GLI3: variants seen among roughly 807,000 people sequenced by gnomAD.
The protein encoded by GLI3 is GLI family zinc finger 3.
In GLI3, 20 loss-of-function variants were observed where a neutral mutation model predicts 100.8. The ratio of observed to expected loss-of-function variants is 0.20; its 90% CI spans 0.14 to 0.29. The LOEUF (loss-of-function observed/expected upper bound fraction) is 0.29. Ranked by LOEUF, GLI3 falls within the 10% of genes least tolerant of loss-of-function variation. The pLI is 1.00. For missense variants in GLI3, 2,040 were observed against 2,128.5 expected (o/e 0.96, Z 0.82); for synonymous variants, 938 against 860.5 (o/e 1.09, Z -1.58).
Position 42,202,319 on chromosome 7 carries a change from G to GTCTC in GLI3, c.124+20807_124+20810dup, listed in dbSNP as rs35402770. Among the ~76,000 whole-genome samples, 219 of 124,676 alleles carry GTCTC rather than the reference G, an allele frequency of 1.8e-3. 1 individual carries two copies. The highest frequency in any genetic ancestry group is 4.6e-3 in the African/African-American group (150 of 32,704). 81.8% of individuals were successfully genotyped at this position (124,676 alleles called of 152,430 possible). ...ACCTCACCTGAAATTCATAGAATCT[G>GTCTC]TCTCTCTCTCTCTCTCTCTCTCTCT... is the stretch of plus-strand genomic sequence containing the variant. On this transcript the variant is annotated intron_variant, in intron 2 of 14. Coordinates refer to ENST00000395925, the MANE Select transcript of GLI3 (RefSeq NM_000168.6).
chr7:42,004,592 G>C (rs1788396329), intron 10 of GLI3, among the ~76,000 whole-genome samples: 1 of 151,964 alleles, frequency 6.6e-6, no homozygotes, highest in South Asian at 2.1e-4. Context: ...AGAAAGCTCA[G>C]AAAATGAAAA....
intron 1 of GLI3, among the ~76,000 whole-genome samples, chr7:42,232,871 T>C (rs1250687202): frequency 6.6e-6 from 1 of 152,076 alleles, no homozygotes; most frequent in East Asian, 1.9e-4. Flanking sequence ...CGGGTTGAAA[T>C]ATATACACAC....
chr7:42,206,073 G>A (rs1252223592), intron 2 of GLI3, among the ~76,000 whole-genome samples: 1 of 152,064 alleles, frequency 6.6e-6, no homozygotes, highest in Non-Finnish European at 1.5e-5. Context: ...TTCGAGACCA[G>A]CCTGACCAAT....
At chr7:41,977,340 T>C (rs1350148920) in intron 12 of GLI3, among the ~76,000 whole-genome samples, 1 of 152,204 alleles carries the variant, frequency 6.6e-6, no homozygotes. Flanking sequence ...GCAGGGGTTT[T>C]AAGAAGTTTC....
intron 13 of GLI3, among the ~76,000 whole-genome samples, chr7:41,971,406 G>A (rs1787361595): frequency 6.6e-6 from 1 of 152,202 alleles, no homozygotes; most frequent in African/African-American, 2.4e-5. Context: ...CGCATGGCCA[G>A]ATGGGCTGAA....
Position 42,048,493 on chromosome 7 carries a change from T to C in GLI3, c.677A>G (p.Asp226Gly). 6.2e-7 allele frequency: 1 copy of C among 1,607,180 alleles called. No homozygotes were observed. The highest frequency in any genetic ancestry group is 1.1e-5 in the South Asian group (1 of 90,888). The stretch of plus-strand genomic sequence containing the variant: ...AGCAGAATCCATCCTGGACTTACCA[T>C]CTGTAGGGCTCAGCCCACGGGTTGC... ...ISATRGLSPT[D>G]APHAGVSPAE... Residue 226 changes from aspartate to glycine, a missense_variant and splice_region_variant, in exon 5 of 15, where the codon GAT (aspartate) becomes GGT (glycine). Coordinates refer to ENST00000395925, the MANE Select transcript of GLI3 (RefSeq NM_000168.6).
rs532419804 is a variant in GLI3, at chr7:41,993,598, T to A, written c.1498-14850A>T. Among the ~76,000 whole-genome samples the A allele has an allele frequency of 3.3e-5, 5 of 152,324 alleles. No homozygotes were observed. The East Asian group carries it at 9.6e-4, about 29-fold the overall frequency. On this transcript the variant is annotated intron_variant, in intron 10 of 14. Coordinates refer to ENST00000395925, the MANE Select transcript of GLI3 (RefSeq NM_000168.6). ...AATTCCACACAGCCAGGGATTTTTA[T>A]CAGTTTTGTTCAATGATATGTTCCA...
At chr7:42,175,930 G>A (rs548838930) in intron 2 of GLI3, among the ~76,000 whole-genome samples, 2 of 151,820 alleles carry the variant, frequency 1.3e-5, no homozygotes, top group South Asian at 4.2e-4. Flanking sequence ...CTTCCCTAAG[G>A]CCACACAGCA....
chr7:42,248,160 T>G (rs1302542383), intron 1 of GLI3, among the ~76,000 whole-genome samples: 4 of 152,142 alleles, frequency 2.6e-5, no homozygotes, highest in African/African-American at 9.7e-5. Flanking sequence ...GACCCCCATA[T>G]CTCAAATTGG....
At position 42,223,365 on chromosome 7, in the gene GLI3, C is replaced by G. The variant is rs182354005; in HGVS notation, c.-42-70G>C. The G allele has an allele frequency of 4.5e-5, 39 of 857,478 alleles. No homozygotes were observed. In the East Asian group the frequency reaches 9.4e-4, roughly 21 times the overall value. 53.1% of individuals were successfully genotyped at this position (857,478 alleles called of 1,614,324 possible). On this transcript the variant is annotated intron_variant, in intron 1 of 14. Transcript: ENST00000395925. Reference sequence around the variant, plus strand: ...AAAAAAAAAAACTTTCAAAAGTCCACTTCACCTGTCATCTGAGAAAAGCCT... The same window carrying G: ...AAAAAAAAAAACTTTCAAAAGTCCAGTTCACCTGTCATCTGAGAAAAGCCT...
intron 13 of GLI3, among the ~76,000 whole-genome samples, chr7:41,968,763 GGAAAGAAA>G (rs71006451): frequency 0.012 from 658 of 56,480 alleles, 24 homozygotes; most frequent in African/African-American, 0.041. Context: ...AAAGAAAGAA[GGAAAGAAA>G]GAAAGAAAGA....
chr7:42,131,164 C>T (rs182825800), intron 3 of GLI3, among the ~76,000 whole-genome samples: 5 of 152,216 alleles, frequency 3.3e-5, no homozygotes, highest in South Asian at 2.1e-4. Context: ...AAGTTGAAGT[C>T]GTAAGACCTA....
At chr7:42,173,075 G>A (rs1787409045) in intron 2 of GLI3, among the ~76,000 whole-genome samples, 1 of 152,162 alleles carries the variant, frequency 6.6e-6, no homozygotes, top group South Asian at 2.1e-4. Flanking sequence ...AAGTCAAATT[G>A]TCACAACGAC....
At chr7:42,099,891 CTG>C (rs1350638900) in intron 3 of GLI3, among the ~76,000 whole-genome samples, 1 of 152,268 alleles carries the variant, frequency 6.6e-6, no homozygotes, top group East Asian at 1.9e-4. Context: ...CTAGAAGTCT[CTG>C]TGACAGCATG....
chr7:41,968,169 A>G (rs1211226013), intron 13 of GLI3, among the ~76,000 whole-genome samples: 2 of 152,220 alleles, frequency 1.3e-5, no homozygotes, highest in African/African-American at 4.8e-5. Flanking sequence ...CTGGCATGGT[A>G]TCAGCCATGG....
intron 14 of GLI3, 94 bp downstream of exon 14, chr7:41,967,502 G>A (rs2128706773): frequency 1.1e-6 from 1 of 875,588 alleles, no homozygotes; most frequent in African/African-American, 1.7e-5. Flanking sequence ...TTTAGGACTG[G>A]TGGAGAAACT....
At chr7:42,238,000 G>GCCTCCTCCT (rs1788861312), upstream of GLI3, 9 of 146,096 alleles carry the variant, frequency 6.2e-5, no homozygotes, top group African/African-American at 3.3e-4. Context: ...CGCCGCCGCC[G>GCCTCCTCCT]CCGCCTCCTC....
At chr7:42,260,170 T>C (rs1286286288) in intron 1 of GLI3, among the ~76,000 whole-genome samples, 2 of 152,238 alleles carry the variant, frequency 1.3e-5, no homozygotes, top group Admixed American at 6.5e-5. Context: ...CTCTAGAGCA[T>C]ATGATAATTT....
chr7:42,262,976 C>T (rs939139249), intron 1 of GLI3, among the ~76,000 whole-genome samples: 3 of 151,566 alleles, frequency 2.0e-5, no homozygotes, highest in Non-Finnish European at 1.5e-5. Context: ...ATGATTAATA[C>T]CACAGGATAT....
Sources: gnomAD v4.1 joint callset for allele counts (sites outside exome capture counted in the v4.1 genomes callset) on GRCh38, gnomAD v4.1.1 for gene constraint, MANE v1.5 for transcripts, NCBI Gene and HGNC (gene_info 2026-07-23, HGNC 2026-07-21) for gene names.